MGAT5: variants seen among roughly 807,000 people sequenced by gnomAD.
The protein encoded by MGAT5 is alpha-1,6-mannosylglycoprotein 6-beta-N-acetylglucosaminyltransferase, also known as alpha-1,6-mannosylglycoprotein 6-beta-N-acetylglucosaminyltransferase A.
MGAT5 carries 30 observed loss-of-function variants against 94.3 expected under a neutral mutation model. The observed-to-expected ratio is 0.32, with a 90% CI of 0.24 to 0.43. MGAT5 has a LOEUF of 0.43. MGAT5 is among the 20% of genes least tolerant of loss of function. The probability of loss-of-function intolerance (pLI) is 1.00; values close to 1 mark genes in which losing one functional copy is unlikely to be tolerated. For missense variants in MGAT5, 691 were observed against 905.5 expected (o/e 0.76, Z 3.04); for synonymous variants, 310 against 322.9 (o/e 0.96, Z 0.43).
intron 1 of MGAT5, among the ~76,000 whole-genome samples, chr2:134,147,092 C>G (rs1478603867): frequency 6.6e-6 from 1 of 151,440 alleles, no homozygotes; most frequent in Non-Finnish European, 1.5e-5. Context: ...TGCTCTCTCT[C>G]GCTCTCTTTC....
At chr2:134,357,572 ATTGAAAC>A (rs1229327525) in intron 9 of MGAT5, among the ~76,000 whole-genome samples, 1 of 152,192 alleles carries the variant, frequency 6.6e-6, no homozygotes, top group Non-Finnish European at 1.5e-5. Context: ...GTTATTTGTG[ATTGAAAC>A]TTCCATTTTG....
chr2:134,176,654 C>T (rs890579506), intron 1 of MGAT5, among the ~76,000 whole-genome samples: 4 of 150,212 alleles, frequency 2.7e-5, no homozygotes, highest in African/African-American at 9.8e-5. Flanking sequence ...TTTAAAAAGT[C>T]TATAATACAA....
intron 1 of MGAT5, among the ~76,000 whole-genome samples, chr2:134,212,823 A>G: frequency 6.6e-6 from 1 of 152,198 alleles, no homozygotes; most frequent in East Asian, 1.9e-4. Context: ...TCTATTATTC[A>G]GTTCCAGTGT....
intron 1 of MGAT5, among the ~76,000 whole-genome samples, chr2:134,183,988 C>T (rs1390325264): frequency 6.6e-6 from 1 of 152,166 alleles, no homozygotes; most frequent in Non-Finnish European, 1.5e-5. Context: ...TTTTTTAGCT[C>T]ACTTAATTTT....
At chr2:134,427,955 T>G (rs930348976) in intron 13 of MGAT5, among the ~76,000 whole-genome samples, 1 of 152,236 alleles carries the variant, frequency 6.6e-6, no homozygotes, top group Admixed American at 6.5e-5. Context: ...TGTGCCACAC[T>G]GTGCTCATCA....
intron 1 of MGAT5, among the ~76,000 whole-genome samples, chr2:134,266,889 G>A (rs1683750312): frequency 6.6e-6 from 1 of 152,220 alleles, no homozygotes; most frequent in East Asian, 1.9e-4. Context: ...AAAGTGCTTA[G>A]AGAATTCAAG....
intron 2 of MGAT5, among the ~76,000 whole-genome samples, chr2:134,314,121 C>T (rs143067057): frequency 2.4e-4 from 36 of 152,262 alleles, no homozygotes; most frequent in African/African-American, 8.2e-4. Context: ...AGGTTATTCC[C>T]GGTCAGGTTT....
chr2:134,430,892 G>A (rs1349763980), intron 14 of MGAT5, among the ~76,000 whole-genome samples: 1 of 152,226 alleles, frequency 6.6e-6, no homozygotes, highest in Non-Finnish European at 1.5e-5. Context: ...TCCACAGGCA[G>A]TAAGTGCCAC....
At chr2:134,355,503 G>A (rs926369301) in intron 9 of MGAT5, among the ~76,000 whole-genome samples, 1 of 152,154 alleles carries the variant, frequency 6.6e-6, no homozygotes, top group Non-Finnish European at 1.5e-5. Context: ...CAGGTACCTG[G>A]CTTGGCTTAT....
chr2:134,234,118 AGTTG>A (rs1364587164), intron 1 of MGAT5, among the ~76,000 whole-genome samples: 1 of 152,138 alleles, frequency 6.6e-6, no homozygotes, highest in East Asian at 1.9e-4. Flanking sequence ...GTCAGTTGAA[AGTTG>A]CTCATGTGTT....
chr2:134,412,853 G>GT lies in MGAT5; in HGVS notation c.1531-12dup. 6.2e-7 allele frequency: 1 copy of GT among 1,613,882 alleles called. No individual in the cohort carries two copies. Among genetic ancestry groups the GT allele is most frequent in the Non-Finnish European group, 8.5e-7 (1 of 1,179,894 alleles). On this transcript the variant is annotated splice_polypyrimidine_tract_variant and intron_variant, in intron 11 of 15. Coordinates refer to ENST00000281923, the MANE Select transcript of MGAT5 (RefSeq NM_002410.5). ...GCCTGATGTGTTCATACGCTGTGTG[G>GT]TTTTCTGTCTTACAGTTGTTTGTTG... is the stretch of plus-strand genomic sequence containing the variant.
chr2:134,422,973 A>G (rs1455763461), intron 13 of MGAT5, 54 bp downstream of exon 13: 3 of 1,286,306 alleles, frequency 2.3e-6, no homozygotes, highest in African/African-American at 1.5e-5. Flanking sequence ...TGAAATGTGT[A>G]TAAAACACAT....
intron 1 of MGAT5, among the ~76,000 whole-genome samples, chr2:134,164,848 AAAACC>A (rs1263828308): frequency 6.6e-6 from 1 of 151,984 alleles, no homozygotes; most frequent in Non-Finnish European, 1.5e-5. Flanking sequence ...TCAAAAAAAA[AAAACC>A]AAACCAAACA....
At chr2:134,332,139 A>C (rs1364200520) in intron 4 of MGAT5, among the ~76,000 whole-genome samples, 1 of 152,034 alleles carries the variant, frequency 6.6e-6, no homozygotes, top group African/African-American at 2.4e-5. Context: ...AGTCAATCCT[A>C]AGCCAAAAGA....
chr2:134,295,510 C>T (rs970330673), intron 2 of MGAT5, among the ~76,000 whole-genome samples: 1 of 152,182 alleles, frequency 6.6e-6, no homozygotes, highest in Non-Finnish European at 1.5e-5. Context: ...TTAGCCTTCT[C>T]TTTTATTCTC....
intron 10 of MGAT5, among the ~76,000 whole-genome samples, chr2:134,369,381 G>A (rs1439274377): frequency 6.6e-6 from 1 of 152,174 alleles, no homozygotes; most frequent in Non-Finnish European, 1.5e-5. Flanking sequence ...CAGGGAGATG[G>A]ATGGGAACAA....
At chr2:134,352,885 A>G (rs1252892744) in intron 9 of MGAT5, among the ~76,000 whole-genome samples, 2 of 152,190 alleles carry the variant, frequency 1.3e-5, no homozygotes, top group African/African-American at 4.8e-5. Flanking sequence ...AAAGGAAGGA[A>G]ATCCTGTCAT....
chr2:134,242,034 A>G (rs7558266), intron 1 of MGAT5, among the ~76,000 whole-genome samples: 4,523 of 152,328 alleles, frequency 0.03, 236 homozygotes, highest in African/African-American at 0.1. Context: ...CCTAATGAGC[A>G]TGCTTATCTC....
Position 134,449,065 on chromosome 2 carries a change from C to T in MGAT5, c.*218C>T. 1 of 575,518 alleles carries T rather than the reference C, an allele frequency of 1.7e-6. No homozygotes were observed. The highest frequency in any genetic ancestry group is 2.1e-5 in the South Asian group (1 of 48,126). 35.7% of individuals were successfully genotyped at this position (575,518 alleles called of 1,614,324 possible). On this transcript the variant is annotated 3_prime_UTR_variant, in exon 16 of 16. Coordinates refer to ENST00000281923, the MANE Select transcript of MGAT5 (RefSeq NM_002410.5). ...AGCGTATGTCAGGCCAGGAGCCTGG[C>T]TTGTCCCTGGCACAACATCATTTCT...
Sources: gnomAD v4.1 joint callset for allele counts (sites outside exome capture counted in the v4.1 genomes callset) on GRCh38, gnomAD v4.1.1 for gene constraint, MANE v1.5 for transcripts, NCBI Gene and HGNC (gene_info 2026-07-23, HGNC 2026-07-21) for gene names.